The following TMX1 variants were observed in gnomAD, a reference collection of about 807,000 sequenced individuals.
The protein encoded by TMX1 is thioredoxin related transmembrane protein 1, also known as thioredoxin-related transmembrane protein 1.
Under a neutral mutation model 36.6 loss-of-function variants are expected in TMX1, and 25 were observed. The observed-to-expected ratio is 0.68, with a 90% CI of 0.50 to 0.95. The LOEUF (loss-of-function observed/expected upper bound fraction) is 0.95. Ranked by LOEUF, TMX1 falls within the 40% of genes least tolerant of loss-of-function variation. TMX1 has a pLI of 0.00. For missense variants in TMX1, 347 were observed against 339.6 expected (o/e 1.02, Z -0.17); for synonymous variants, 133 against 118.0 (o/e 1.13, Z -0.82).
In TMX1 at chr14:51,254,582, T is replaced by G; in HGVS notation, c.*63T>G. On this transcript the variant is annotated 3_prime_UTR_variant, in exon 8 of 8. Coordinates refer to ENST00000457354, the MANE Select transcript of TMX1 (RefSeq NM_030755.5). ...AAAAACAGAAGATTGATCATTTTGT[T>G]TGGTTTGAAGTGAACTGTGACTTTT... The G allele has an allele frequency of 6.7e-7, 1 of 1,492,964 alleles. No homozygotes were observed. Among genetic ancestry groups the G allele is most frequent in the Non-Finnish European group, 9.0e-7 (1 of 1,108,414 alleles). The allele number at this position is 1,492,964 out of a possible 1,614,324, so 92.5% of individuals were successfully genotyped here.
In TMX1 at chr14:51,255,992, C is replaced by T. The variant is rs2065836668; in HGVS notation, c.*1473C>T. 6.6e-6 allele frequency: 1 copy of T among 152,544 alleles called. No homozygotes were observed. The highest frequency in any genetic ancestry group is 2.1e-4 in the South Asian group (1 of 4,820). The allele number at this position is 152,544 out of a possible 1,614,324, so 9.4% of individuals were successfully genotyped here. The stretch of plus-strand genomic sequence containing the variant: ...GAGTTTGGATGTGTAACTTGTGATG[C>T]CTTAGAAAAATATCCTAAGCACAAA... On this transcript the variant is annotated 3_prime_UTR_variant, in exon 8 of 8. Coordinates refer to ENST00000457354, the MANE Select transcript of TMX1 (RefSeq NM_030755.5).
rs4606635 is a variant in TMX1 at position 51,245,374 on chromosome 14, T to C, written c.314+16T>C. The C allele has an allele frequency of 0.33, 530,923 of 1,612,446 alleles. 90,867 individuals are homozygous for C. Among genetic ancestry groups the C allele is most frequent in the Admixed American group, 0.42 (24,960 of 59,882 alleles). ...CTATTTATCAGTAAGTATTTGAAGA[T>C]TCTAAATTATGGAGAAGGATGCATT... On this transcript the variant is annotated intron_variant, in intron 3 of 7. Coordinates refer to ENST00000457354, the MANE Select transcript of TMX1 (RefSeq NM_030755.5).
chr14:51,249,277 C>A (rs938266815), intron 4 of TMX1, 49 bp from the exon 5 acceptor site: 13 of 1,479,252 alleles, frequency 8.8e-6, no homozygotes, highest in Non-Finnish European at 1.1e-5. Flanking sequence ...TATGTATAGA[C>A]AAATCTGTGT....
chr14:51,245,584 G>A (rs2065782040), intron 3 of TMX1: 1 of 1,129,914 alleles, frequency 8.9e-7, no homozygotes, highest in Non-Finnish European at 1.2e-6. Context: ...GTTTTGGAAA[G>A]TGATGTTCTT....
At position 51,249,520 on chromosome 14, in the gene TMX1, A is replaced by G. The variant is rs1008364519; in HGVS notation, c.542A>G (p.Tyr181Cys). Residue 181 changes from tyrosine (Y) to cysteine (C), a missense_variant, in exon 6 of 8, where the codon TAT (tyrosine) becomes TGT (cysteine). Tyr to Cys is a radical substitution (Grantham distance 194). Transcript: ENST00000457354. ...CTTGGATTGCCAGTGTGGGGATCATATACTGTTTTTGCTTTAGCAACTCTG... is the reference window on the plus strand; with the variant it reads ...CTTGGATTGCCAGTGTGGGGATCATGTACTGTTTTTGCTTTAGCAACTCTG... Reference protein sequence around the residue: ...EDLGLPVWGSYTVFALATLFS... With the variant: ...EDLGLPVWGSCTVFALATLFS... 2.4e-5 allele frequency: 38 copies of G among 1,613,582 alleles called. No individual in the cohort carries two copies. The highest frequency in any genetic ancestry group is 5.3e-5 in the African/African-American group (4 of 74,814).
intron 4 of TMX1, among the ~76,000 whole-genome samples, chr14:51,247,878 C>T (rs2065793996): frequency 6.6e-6 from 1 of 152,160 alleles, no homozygotes; most frequent in Non-Finnish European, 1.5e-5. Flanking sequence ...AATGAGTAGG[C>T]TCAAACTTGT....
rs997784294 is a variant in TMX1, at chr14:51,240,326, G to A, written c.34G>A (p.Ala12Thr). The change falls in exon 1 of 8, where the codon GCA (alanine) becomes ACA (threonine). Residue 12 changes from alanine to threonine, a missense_variant. Transcript: ENST00000457354. ...APSGSLAVPL[A>T]VLVLLLWGAP... ...CTCCGGGAGTCTTGCAGTTCCCCTGGCAGTCCTGGTGCTGTTGCTTTGGGG... is the reference window on the plus strand; with the variant it reads ...CTCCGGGAGTCTTGCAGTTCCCCTGACAGTCCTGGTGCTGTTGCTTTGGGG... 1.2e-6 allele frequency: 2 copies of A among 1,613,362 alleles called. No individual in the cohort carries two copies. The highest frequency in any genetic ancestry group is 1.7e-6 in the Non-Finnish European group (2 of 1,179,988).
chr14:51,241,782 A>G (rs78877150), intron 1 of TMX1, among the ~76,000 whole-genome samples: 3,725 of 152,300 alleles, frequency 0.024, 146 homozygotes, highest in African/African-American at 0.085. Context: ...TGAAAGTGAC[A>G]TCCCCAAGGG....
chr14:51,248,720 T>C (rs887009368), intron 4 of TMX1, among the ~76,000 whole-genome samples: 3 of 152,242 alleles, frequency 2.0e-5, no homozygotes, highest in African/African-American at 7.2e-5. Context: ...CCTTTCTTAT[T>C]TCTGAAACAT....
chr14:51,247,736 G>A (rs2065793225), intron 4 of TMX1, among the ~76,000 whole-genome samples: 2 of 152,166 alleles, frequency 1.3e-5, no homozygotes, highest in African/African-American at 4.8e-5. Context: ...GCATTTTATA[G>A]AAGTAAGTTG....
chr14:51,245,578 T>C, intron 3 of TMX1: 1 of 1,152,318 alleles, frequency 8.7e-7, no homozygotes, highest in Non-Finnish European at 1.2e-6. Flanking sequence ...ACAGTTGTTT[T>C]GGAAAGTGAT....
intron 1 of TMX1, among the ~76,000 whole-genome samples, chr14:51,242,940 G>A (rs116014237): frequency 6.6e-6 from 1 of 152,118 alleles, no homozygotes; most frequent in South Asian, 2.1e-4. Flanking sequence ...ACGATTTATT[G>A]TTAGGAGCTT....
chr14:51,246,067 T>A (rs1314678915), intron 3 of TMX1, among the ~76,000 whole-genome samples: 1 of 152,156 alleles, frequency 6.6e-6, no homozygotes, highest in Non-Finnish European at 1.5e-5. Flanking sequence ...CTTGCTTTTC[T>A]TTGCCCTTTT....
chr14:51,246,992 T>G (rs1314673894), intron 3 of TMX1, 100 bp from the exon 4 acceptor site: 3 of 1,090,126 alleles, frequency 2.8e-6, no homozygotes, highest in Non-Finnish European at 3.8e-6. Flanking sequence ...CTAATGCTTT[T>G]GAATGTTAGA....
intron 1 of TMX1, among the ~76,000 whole-genome samples, chr14:51,240,757 C>A (rs1340668051): frequency 6.6e-6 from 1 of 152,134 alleles, no homozygotes; most frequent in African/African-American, 2.4e-5. Context: ...GCGACTGGGG[C>A]GCGGGGAGGG....
chr14:51,244,055 T>C (rs934189733), intron 2 of TMX1, 84 bp downstream of exon 2: 2 of 1,107,960 alleles, frequency 1.8e-6, no homozygotes, highest in Non-Finnish European at 2.5e-6. Context: ...ATAGTCTTAA[T>C]TCTACCTTTC....
At chr14:51,244,421 G>A (rs911500213) in intron 2 of TMX1, among the ~76,000 whole-genome samples, 1 of 152,176 alleles carries the variant, frequency 6.6e-6, no homozygotes, top group Non-Finnish European at 1.5e-5. Context: ...TGGAGTCAAG[G>A]TCACGTTCCC....
Position 51,243,981 on chromosome 14 carries a change from G to C in TMX1, c.268+10G>C, listed in dbSNP as rs2065774151. ...GTCACAGAGCAGCCAGGTACTGTAA[G>C]TCTTTGGTTAGTTTTGTTTCTTTGC... is the stretch of plus-strand genomic sequence containing the variant. On this transcript the variant is annotated intron_variant, in intron 2 of 7. Coordinates refer to ENST00000457354, the MANE Select transcript of TMX1 (RefSeq NM_030755.5). 1 of 1,589,820 alleles carries C rather than the reference G, an allele frequency of 6.3e-7. No individual in the cohort carries two copies. The highest frequency in any genetic ancestry group is 1.3e-5 in the African/African-American group (1 of 74,180).
rs981949424 is a variant in TMX1 at position 51,249,721 on chromosome 14, G to A, written c.620G>A (p.Cys207Tyr). ...LCMIFVADCL[C>Y]PSKRRRPQPY... ...ATGATATTTGTGGCAGATTGCCTTT[G>A]TCCTTCAAAAAGGCGCAGACCACAG... is the stretch of plus-strand genomic sequence containing the variant. Residue 207 changes from cysteine to tyrosine, a missense_variant, in exon 7 of 8, where the codon TGT becomes TAT. Transcript: ENST00000457354. 5.0e-6 allele frequency: 8 copies of A among 1,613,326 alleles called. No homozygotes were observed. Among genetic ancestry groups the A allele is most frequent in the Non-Finnish European group, 6.8e-6 (8 of 1,179,666 alleles).
Sources: gnomAD v4.1 joint callset for allele counts (sites outside exome capture counted in the v4.1 genomes callset) on GRCh38, gnomAD v4.1.1 for gene constraint, MANE v1.5 for transcripts, NCBI Gene and HGNC (gene_info 2026-07-23, HGNC 2026-07-21) for gene names.